The following TSPAN15 variants were observed in gnomAD, a reference collection of about 807,000 sequenced individuals.
The protein encoded by TSPAN15 is tetraspanin 15.
Under a neutral mutation model 34.5 loss-of-function variants are expected in TSPAN15, and 20 were observed. The observed-to-expected ratio is 0.58, with a 90% CI of 0.41 to 0.84. The LOEUF is 0.84. Ranked by LOEUF, TSPAN15 falls within the 40% of genes least tolerant of loss-of-function variation. TSPAN15 has a pLI of 0.00. For synonymous variants in TSPAN15, 155 were observed against 153.9 expected (o/e 1.01, Z -0.05); for missense variants, 313 against 386.1 (o/e 0.81, Z 1.59).
the TSPAN15 span, among the ~76,000 whole-genome samples, chr10:69,539,777 C>T: frequency 1.3e-5 from 2 of 152,114 alleles, no homozygotes; most frequent in Non-Finnish European, 2.9e-5. Flanking sequence ...AAGACCAATA[C>T]AGCTGCTCCT....
At chr10:69,470,340 C>G (rs1405847481) in intron 1 of TSPAN15, among the ~76,000 whole-genome samples, 1 of 152,208 alleles carries the variant, frequency 6.6e-6, no homozygotes, top group African/African-American at 2.4e-5. Context: ...GCACCTTTCC[C>G]CATGATGATG....
chr10:69,497,426 G>C (rs1842110009), intron 4 of TSPAN15, among the ~76,000 whole-genome samples: 1 of 152,206 alleles, frequency 6.6e-6, no homozygotes, highest in South Asian at 2.1e-4. Context: ...TGAAATACAA[G>C]CTTGTTTCTG....
chr10:69,481,873 G>T (rs528587584), intron 1 of TSPAN15, among the ~76,000 whole-genome samples: 1 of 152,320 alleles, frequency 6.6e-6, no homozygotes, highest in African/African-American at 2.4e-5. Flanking sequence ...CCTTGGACAG[G>T]CAGGGGACTG....
chr10:69,475,293 G>A (rs73275738), intron 1 of TSPAN15, among the ~76,000 whole-genome samples: 9,421 of 152,154 alleles, frequency 0.062, 1,010 homozygotes, highest in African/African-American at 0.22. Flanking sequence ...GCTTACAGGC[G>A]TCTGAAGCCA....
In TSPAN15 at chr10:69,506,800, C is replaced by G. The variant is rs1564618251; in HGVS notation, c.736-29C>G. The G allele has an allele frequency of 1.3e-6, 2 of 1,552,354 alleles. No homozygotes were observed. Among genetic ancestry groups the G allele is most frequent in the Non-Finnish European group, 8.7e-7 (1 of 1,146,258 alleles). On this transcript the variant is annotated intron_variant, in intron 7 of 7. Transcript: ENST00000373290. The surrounding 1 kb of genome is among the most constrained non-coding windows in gnomAD (Gnocchi z 4.7). ...GAGGGCTGCCCTGATTCCCAGCAGG[C>G]CCTCACCAGCCCTGCCCCTTCTTCT...
chr10:69,519,108 A>C, the TSPAN15 span, among the ~76,000 whole-genome samples: 1 of 152,244 alleles, frequency 6.6e-6, no homozygotes, highest in African/African-American at 2.4e-5. Flanking sequence ...TGCTGAGGAG[A>C]AAAGCTAGTT....
chr10:69,524,939 C>G, the TSPAN15 span, among the ~76,000 whole-genome samples: 1 of 147,526 alleles, frequency 6.8e-6, no homozygotes, highest in East Asian at 2.5e-4. Flanking sequence ...TGCCACCACG[C>G]CCCACTAATT....
chr10:69,488,440 C>T lies in TSPAN15; in HGVS notation c.357+3225C>T, dbSNP rs1589644505. Among the ~76,000 whole-genome samples the T allele has an allele frequency of 3.3e-5, 5 of 152,174 alleles. No homozygotes were observed. The South Asian group carries it at 1.0e-3, about 32-fold the overall frequency. On this transcript the variant is annotated intron_variant, in intron 3 of 7. Transcript: ENST00000373290. ...TCTCTGAGCCACAATGTAACAAGTT[C>T]AGTCTCCAGTGCCATGGGCCCTGGT... is the stretch of plus-strand genomic sequence containing the variant.
At position 69,506,414 on chromosome 10, in the gene TSPAN15, C is replaced by A; in HGVS notation, c.735+174C>A. 1 of 627,704 alleles carries A rather than the reference C, an allele frequency of 1.6e-6. No homozygotes were observed. 38.9% of individuals were successfully genotyped at this position (627,704 alleles called of 1,614,324 possible). On this transcript the variant is annotated intron_variant, in intron 7 of 7. Transcript: ENST00000373290. This position sits in a 1 kb window ranked among gnomAD's most constrained non-coding sequence, Gnocchi z 4.7. ...CAATAGCAGTCGTGGCGAAGCTCTT[C>A]CAAGTGCTGCGCAGGCACTGCTGCT... is the stretch of plus-strand genomic sequence containing the variant.
chr10:69,507,968 C>G (rs993860147), downstream of TSPAN15, among the ~76,000 whole-genome samples: 3 of 152,082 alleles, frequency 2.0e-5, no homozygotes, highest in Admixed American at 6.5e-5. Flanking sequence ...GTCCACCTAC[C>G]GCGCTCCCTG....
chr10:69,467,695 C>T (rs1841417855), intron 1 of TSPAN15, among the ~76,000 whole-genome samples: 1 of 151,150 alleles, frequency 6.6e-6, no homozygotes, highest in African/African-American at 2.4e-5. Context: ...GAAAACAGAA[C>T]TTGGTTGCTG....
intron 3 of TSPAN15, among the ~76,000 whole-genome samples, chr10:69,493,395 C>G (rs1222422816): frequency 6.6e-6 from 1 of 152,120 alleles, no homozygotes; most frequent in Non-Finnish European, 1.5e-5. Flanking sequence ...CCCAGGCCTG[C>G]TCCAGAGCTG....
the TSPAN15 span, among the ~76,000 whole-genome samples, chr10:69,516,386 C>G: frequency 8.8e-4 from 134 of 152,346 alleles, no homozygotes; most frequent in Non-Finnish European, 2.2e-4. Context: ...CTCCTTCCCC[C>G]ACCAATAGGA....
chr10:69,528,940 C>G, the TSPAN15 span, among the ~76,000 whole-genome samples: 3 of 148,098 alleles, frequency 2.0e-5, no homozygotes, highest in African/African-American at 7.4e-5. Context: ...AGTTCCCACT[C>G]CAGTCCGTGG....
chr10:69,473,518 C>T (rs1435083857), intron 1 of TSPAN15, among the ~76,000 whole-genome samples: 1 of 151,942 alleles, frequency 6.6e-6, no homozygotes, highest in Admixed American at 6.6e-5. Context: ...GTGTGTGGGG[C>T]GAGAGGAGGA....
the TSPAN15 span, among the ~76,000 whole-genome samples, chr10:69,546,197 C>T: frequency 2.0e-5 from 3 of 152,150 alleles, no homozygotes; most frequent in Non-Finnish European, 4.4e-5. Flanking sequence ...CCATGTGCGT[C>T]TTCCTAGGGG....
the TSPAN15 span, among the ~76,000 whole-genome samples, chr10:69,521,874 G>C: frequency 6.8e-6 from 1 of 147,348 alleles, no homozygotes; most frequent in Non-Finnish European, 1.5e-5. Flanking sequence ...ACCGATTCCT[G>C]TAATAGATCT....
chr10:69,491,902 G>A (rs1203744263), intron 3 of TSPAN15, among the ~76,000 whole-genome samples: 5 of 152,140 alleles, frequency 3.3e-5, no homozygotes, highest in South Asian at 4.1e-4. Flanking sequence ...AGGAGCTGCC[G>A]CCACATGCCT....
chr10:69,525,549 A>T, the TSPAN15 span, among the ~76,000 whole-genome samples: 32 of 146,752 alleles, frequency 2.2e-4, 2 homozygotes, highest in South Asian at 6.9e-3. Context: ...GGCCAGGCAC[A>T]GTGGCTCACG....
Sources: allele counts gnomAD v4.1 joint callset (sites outside exome capture counted in the v4.1 genomes callset), GRCh38; gene constraint gnomAD v4.1.1; non-coding constraint Gnocchi (gnomAD v3.1); transcripts MANE v1.5; gene names NCBI Gene and HGNC (gene_info 2026-07-23, HGNC 2026-07-21).